Variants in CAMK2D observed in about 807,000 individuals in gnomAD.
The protein encoded by CAMK2D is calcium/calmodulin dependent protein kinase II delta.
A neutral mutation model predicts 84.0 loss-of-function variants in CAMK2D; 37 were observed. The observed-to-expected ratio is 0.44, with a 90% CI of 0.34 to 0.58. The LOEUF is 0.58. CAMK2D is among the 20% of genes least tolerant of loss of function. The probability of loss-of-function intolerance (pLI) is 0.02; values close to 1 mark genes in which losing one functional copy is unlikely to be tolerated. For missense variants in CAMK2D, 448 were observed against 652.5 expected (o/e 0.69, Z 3.41); for synonymous variants, 202 against 212.5 (o/e 0.95, Z 0.43).
chr4:113,518,738 G>A (rs7700110), intron 8 of CAMK2D, among the ~76,000 whole-genome samples: 31,633 of 151,956 alleles, frequency 0.21, 3,478 homozygotes, highest in Non-Finnish European at 0.26. Context: ...TATCCAAGGT[G>A]GTCTCTTGGT....
At chr4:113,556,563 T>G (rs772181467) in intron 4 of CAMK2D, among the ~76,000 whole-genome samples, 2 of 152,128 alleles carry the variant, frequency 1.3e-5, no homozygotes, top group Non-Finnish European at 2.9e-5. Flanking sequence ...GATTCTATAT[T>G]ACGAGTGTGC....
intron 13 of CAMK2D, among the ~76,000 whole-genome samples, chr4:113,508,894 G>A (rs2098168794): frequency 6.6e-6 from 1 of 152,064 alleles, no homozygotes; most frequent in Non-Finnish European, 1.5e-5. Context: ...CCTTGGAAGA[G>A]AAAGAAAAGG....
intron 12 of CAMK2D, among the ~76,000 whole-genome samples, chr4:113,510,600 T>C (rs2154161411): frequency 6.6e-6 from 1 of 152,252 alleles, no homozygotes; most frequent in Non-Finnish European, 1.5e-5. Flanking sequence ...CAATGACAAT[T>C]AGTACACCAA....
At chr4:113,754,379 TAGATGCCCAAGAAAAGCCCAGTACATGTA>T in intron 2 of CAMK2D, 1 of 981,076 alleles carries the variant, frequency 1.0e-6, no homozygotes, top group Non-Finnish European at 1.2e-6. Context: ...ACAAAAAAGT[TAGATGCCCAAGAAAAGCCCAGTACATGTA>T]AGATTTCTAG....
At chr4:113,489,502 T>C (rs2097800865) in intron 16 of CAMK2D, among the ~76,000 whole-genome samples, 1 of 151,932 alleles carries the variant, frequency 6.6e-6, no homozygotes, top group South Asian at 2.1e-4. Context: ...AAGAATTCCA[T>C]GGTGTATATG....
intron 7 of CAMK2D, among the ~76,000 whole-genome samples, chr4:113,535,081 T>G (rs975053569): frequency 6.6e-6 from 1 of 152,198 alleles, no homozygotes; most frequent in African/African-American, 2.4e-5. Flanking sequence ...GCCTCAGACC[T>G]GATAACAAAG....
chr4:113,589,696 G>A (rs1031799684), intron 4 of CAMK2D, among the ~76,000 whole-genome samples: 1 of 152,186 alleles, frequency 6.6e-6, no homozygotes. Context: ...AATTAGACAT[G>A]CAAGTAGAGA....
rs535345070 is a variant in CAMK2D at position 113,489,225 on chromosome 4, G to C, written c.1135+11238C>G. The stretch of plus-strand genomic sequence containing the variant: ...ACATATGTATACATGTGCCATGCTG[G>C]TGCGCTGCACCCACTAACTCGTCAT... On this transcript the variant is annotated intron_variant, in intron 16 of 20. Transcript: ENST00000511664. 3.3e-5 allele frequency among the ~76,000 whole-genome samples: 5 copies of C among 151,284 alleles called. 1 individual carries two copies. In the East Asian group the frequency reaches 9.8e-4, roughly 30 times the overall value.
chr4:113,619,727 G>T (rs1205180933), intron 3 of CAMK2D, among the ~76,000 whole-genome samples: 1 of 151,474 alleles, frequency 6.6e-6, no homozygotes, highest in Non-Finnish European at 1.5e-5. Flanking sequence ...ATTTTTTTTT[G>T]GAACATAGCC....
At chr4:113,534,438 C>CT (rs950405610) in intron 7 of CAMK2D, among the ~76,000 whole-genome samples, 2 of 152,136 alleles carry the variant, frequency 1.3e-5, no homozygotes, top group African/African-American at 4.8e-5. Flanking sequence ...GATGTTGCTT[C>CT]TTTTAAAAGT....
chr4:113,739,521 T>A (rs1318830370), intron 2 of CAMK2D, among the ~76,000 whole-genome samples: 3 of 152,090 alleles, frequency 2.0e-5, no homozygotes, highest in African/African-American at 7.2e-5. Context: ...AAAATAGCCA[T>A]CTACATCAAT....
intron 19 of CAMK2D, among the ~76,000 whole-genome samples, chr4:113,456,091 TGTTTG>T (rs2097300134): frequency 6.6e-6 from 1 of 152,210 alleles, no homozygotes; most frequent in South Asian, 2.1e-4. Flanking sequence ...TTCAGCCTAT[TGTTTG>T]GTTTGGTTTG....
At chr4:113,643,700 G>A (rs188285919) in intron 3 of CAMK2D, among the ~76,000 whole-genome samples, 10 of 152,320 alleles carry the variant, frequency 6.6e-5, no homozygotes, top group African/African-American at 1.4e-4. Context: ...TCCTCCCACC[G>A]ACCATCTTGA....
chr4:113,755,283 T>A (rs538821775), intron 2 of CAMK2D, among the ~76,000 whole-genome samples: 1 of 151,878 alleles, frequency 6.6e-6, no homozygotes, highest in African/African-American at 2.4e-5. Flanking sequence ...CTGATTCATG[T>A]ACTACTAATA....
chr4:113,691,241 A>G (rs1345130007), intron 2 of CAMK2D, among the ~76,000 whole-genome samples: 1 of 152,198 alleles, frequency 6.6e-6, no homozygotes, highest in Non-Finnish European at 1.5e-5. Flanking sequence ...AACTCTACCT[A>G]GTTTGCATGG....
intron 2 of CAMK2D, among the ~76,000 whole-genome samples, chr4:113,709,760 T>TATATATATATATATATATATAC (rs2099485050): frequency 8.8e-6 from 1 of 113,522 alleles, no homozygotes. Context: ...TATATATATA[T>TATATATATATATATATATATAC]ATATATATAT....
intron 2 of CAMK2D, among the ~76,000 whole-genome samples, chr4:113,732,518 C>G (rs1183607305): frequency 1.3e-5 from 2 of 152,146 alleles, no homozygotes; most frequent in Non-Finnish European, 2.9e-5. Flanking sequence ...TTCAGTAAAA[C>G]TTTTAAACAA....
intron 2 of CAMK2D, among the ~76,000 whole-genome samples, chr4:113,738,047 T>C (rs17046458): frequency 0.14 from 21,940 of 152,010 alleles, 2,572 homozygotes; most frequent in African/African-American, 0.32. Flanking sequence ...AACCTCAAAA[T>C]AGGCTTTTTC....
chr4:113,460,322 T>C (rs2097357361), intron 17 of CAMK2D, 81 bp from the exon 18 acceptor site: 2 of 826,336 alleles, frequency 2.4e-6, no homozygotes, highest in East Asian at 4.9e-5. Context: ...ACATTCTGAT[T>C]TACCAGTCAC....
Sources: gnomAD v4.1 joint callset for allele counts (sites outside exome capture counted in the v4.1 genomes callset) on GRCh38, gnomAD v4.1.1 for gene constraint, MANE v1.5 for transcripts, NCBI Gene and HGNC (gene_info 2026-07-23, HGNC 2026-07-21) for gene names.